The following EVA1A variants were observed in gnomAD, a reference collection of about 807,000 sequenced individuals.
EVA1A encodes the protein eva-1 homolog A, regulator of programmed cell death.
EVA1A carries 7 observed loss-of-function variants against 9.8 expected under a neutral mutation model. The ratio of observed to expected loss-of-function variants is 0.71; its 90% CI spans 0.41 to 1.34. The LOEUF (loss-of-function observed/expected upper bound fraction) is 1.34. Ranked by LOEUF, EVA1A falls within the 40% of genes most tolerant of loss-of-function variation. EVA1A has a pLI of 0.01. For synonymous variants in EVA1A, 90 were observed against 85.6 expected, an observed-to-expected ratio of 1.05 and a Z score of -0.28; for missense variants, 206 against 205.9, an observed-to-expected ratio of 1.00 and a Z score of 0.00.
rs1558668435 is a variant in EVA1A at position 75,493,678 on chromosome 2, C to A, written c.86-69G>T. The stretch of plus-strand genomic sequence containing the variant: ...CTCCATATGCAGAGATCCAATATGA[C>A]TCCAGCCTACACTTCTCACCAGGCC... On this transcript the variant is annotated intron_variant, in intron 3 of 3. Coordinates refer to ENST00000393913, the MANE Select transcript of EVA1A (RefSeq NM_001135032.2). 4 of 1,432,420 alleles carry A rather than the reference C, an allele frequency of 2.8e-6. No individual in the cohort carries two copies. The South Asian group carries it at 5.8e-5, about 21-fold the overall frequency. 88.7% of individuals were successfully genotyped at this position (1,432,420 alleles called of 1,614,324 possible). A position where few individuals can be genotyped will look rare whatever the true frequency, so the allele number is the denominator to read the frequency against.
At chr2:75,547,060 T>C (rs925883226) in intron 1 of EVA1A, among the ~76,000 whole-genome samples, 2 of 152,224 alleles carry the variant, frequency 1.3e-5, no homozygotes, top group Non-Finnish European at 2.9e-5. Context: ...GATACTTTTC[T>C]ATTATTCTAA....
At chr2:75,513,951 A>G (rs1248952898) in intron 3 of EVA1A, among the ~76,000 whole-genome samples, 1 of 152,202 alleles carries the variant, frequency 6.6e-6, no homozygotes, top group African/African-American at 2.4e-5. Flanking sequence ...CTCTTAAACC[A>G]CACAAAATTG....
Position 75,493,315 on chromosome 2 carries a change from C to T in EVA1A, c.380G>A (p.Arg127His), listed in dbSNP as rs1211007541. 1.9e-6 allele frequency: 3 copies of T among 1,614,016 alleles called. No homozygotes were observed. Among genetic ancestry groups the T allele is most frequent in the Non-Finnish European group, 2.5e-6 (3 of 1,179,990 alleles). Residue 127 changes from arginine (R) to histidine (H), a missense_variant, in exon 4 of 4, where the codon CGC (arginine) becomes CAC (histidine). Arg to His is a conservative substitution (Grantham distance 29, BLOSUM62 0). Coordinates refer to ENST00000393913, the MANE Select transcript of EVA1A (RefSeq NM_001135032.2). ...ELERAQRLEE[R>H]ERIIREIWMN... ...CCAGATCTCCCTGATGATGCGCTCGCGCTCCTCCAGCCGCTGGGCGCGCTC... is the reference window on the plus strand; with the variant it reads ...CCAGATCTCCCTGATGATGCGCTCGTGCTCCTCCAGCCGCTGGGCGCGCTC...
intron 3 of EVA1A, 131 bp from the exon 4 acceptor site, chr2:75,493,740 G>A: frequency 1.3e-6 from 1 of 749,652 alleles, no homozygotes; most frequent in Non-Finnish European, 2.0e-6. Flanking sequence ...GTCCTCCAAT[G>A]TGACATATTT....
At chr2:75,549,012 T>G (rs73938964) in intron 1 of EVA1A, among the ~76,000 whole-genome samples, 12 of 87,222 alleles carry the variant, frequency 1.4e-4, no homozygotes, top group African/African-American at 6.0e-4. Flanking sequence ...ATATATATTT[T>G]TTTTTTTTTT....
intron 2 of EVA1A, among the ~76,000 whole-genome samples, chr2:75,519,380 AGTTCC>A (rs1401107886): frequency 6.6e-6 from 1 of 152,204 alleles, no homozygotes; most frequent in African/African-American, 2.4e-5. Flanking sequence ...GGAGAGCGGC[AGTTCC>A]GTGAGGTAAA....
At chr2:75,554,518 C>T (rs1047096741) in intron 1 of EVA1A, among the ~76,000 whole-genome samples, 205 of 152,296 alleles carry the variant, frequency 1.3e-3, no homozygotes, top group African/African-American at 4.7e-3. Flanking sequence ...CCTTCTTTTT[C>T]GAAAGCAGAT....
At chr2:75,524,891 T>TGG (rs1675366767) in intron 1 of EVA1A, among the ~76,000 whole-genome samples, 1 of 152,068 alleles carries the variant, frequency 6.6e-6, no homozygotes, top group Non-Finnish European at 1.5e-5. Flanking sequence ...TCTATATAAA[T>TGG]AGGTAGGCAG....
chr2:75,505,083 G>A (rs1674567274), intron 3 of EVA1A, among the ~76,000 whole-genome samples: 1 of 152,150 alleles, frequency 6.6e-6, no homozygotes, highest in South Asian at 2.1e-4. Context: ...TCCCCTGCAA[G>A]GGAAAGACCT....
chr2:75,519,458 A>G (rs982787642), intron 2 of EVA1A, among the ~76,000 whole-genome samples: 6 of 152,218 alleles, frequency 3.9e-5, no homozygotes, highest in Non-Finnish European at 8.8e-5. Context: ...AGGAAAGACC[A>G]AAACAAGAAA....
intron 3 of EVA1A, among the ~76,000 whole-genome samples, chr2:75,517,339 CAAAACAAAACA>C (rs1187314953): frequency 6.6e-6 from 1 of 151,986 alleles, no homozygotes; most frequent in African/African-American, 2.4e-5. Flanking sequence ...TCAGGCAAAA[CAAAACAAAACA>C]AAAACAAAAG....
chr2:75,505,921 A>G (rs1449383123), intron 3 of EVA1A, among the ~76,000 whole-genome samples: 3 of 145,260 alleles, frequency 2.1e-5, no homozygotes, highest in Non-Finnish European at 3.0e-5. Context: ...TTCTTTCTCT[A>G]TCATATAAAC....
At chr2:75,498,820 A>C (rs904405110) in intron 3 of EVA1A, among the ~76,000 whole-genome samples, 12 of 151,128 alleles carry the variant, frequency 7.9e-5, no homozygotes, top group African/African-American at 2.0e-4. Context: ...TTTTTTTAAA[A>C]AGATGGTCTT....
intron 3 of EVA1A, among the ~76,000 whole-genome samples, chr2:75,495,672 A>C (rs1674186465): frequency 6.6e-6 from 1 of 152,214 alleles, no homozygotes; most frequent in Non-Finnish European, 1.5e-5. Flanking sequence ...TAGAGTGTAC[A>C]CTGCTCTGGT....
At chr2:75,520,432 T>C (rs932862926) in intron 2 of EVA1A, among the ~76,000 whole-genome samples, 4 of 152,190 alleles carry the variant, frequency 2.6e-5, no homozygotes, top group African/African-American at 9.7e-5. Flanking sequence ...CTCTTCCTGA[T>C]TTCAAAACTT....
chr2:75,543,350 C>T (rs952218689), intron 1 of EVA1A, among the ~76,000 whole-genome samples: 7 of 152,136 alleles, frequency 4.6e-5, no homozygotes, highest in African/African-American at 9.6e-5. Flanking sequence ...GCAGAAGTAA[C>T]GCCTGACCAA....
chr2:75,548,983 A>AAAATATAT (rs377340236), intron 1 of EVA1A, among the ~76,000 whole-genome samples: 2 of 133,704 alleles, frequency 1.5e-5, no homozygotes, highest in African/African-American at 5.7e-5. Context: ...CTAAATGAAA[A>AAAATATAT]ATATATATAT....
At chr2:75,544,257 C>CG (rs1472354760) in intron 1 of EVA1A, among the ~76,000 whole-genome samples, 5 of 152,188 alleles carry the variant, frequency 3.3e-5, no homozygotes, top group African/African-American at 1.2e-4. Flanking sequence ...GGCCCCCTAG[C>CG]GCCATGCTCA....
Position 75,493,307 on chromosome 2 carries a change from T to C in EVA1A, c.388A>G (p.Ile130Val), listed in dbSNP as rs1674092734. 6.2e-7 allele frequency: 1 copy of C among 1,614,100 alleles called. No homozygotes were observed. The highest frequency in any genetic ancestry group is 8.5e-7 in the Non-Finnish European group (1 of 1,179,980). The change falls in exon 4 of 4, where the codon ATC becomes GTC. Residue 130 changes from isoleucine to valine, a missense_variant. Physicochemically the swap from Ile to Val is conservative, Grantham distance 29. Transcript: ENST00000393913. ...RAQRLEERER[I>V]IREIWMNGQP... is the part of the protein sequence containing the mutation. ...CCATTCATCCAGATCTCCCTGATGATGCGCTCGCGCTCCTCCAGCCGCTGG... is the reference window on the plus strand; with the variant it reads ...CCATTCATCCAGATCTCCCTGATGACGCGCTCGCGCTCCTCCAGCCGCTGG...
Sources: gnomAD v4.1 joint callset for allele counts (sites outside exome capture counted in the v4.1 genomes callset) on GRCh38, gnomAD v4.1.1 for gene constraint, MANE v1.5 for transcripts, NCBI Gene and HGNC (gene_info 2026-07-23, HGNC 2026-07-21) for gene names.